The following NRG1 variants were observed in gnomAD, a reference collection of about 807,000 sequenced individuals.
NRG1 encodes the protein neuregulin 1.
A neutral mutation model predicts 63.8 loss-of-function variants in NRG1; 18 were observed. That is an observed-to-expected ratio of 0.28 (90% CI 0.19 to 0.42). NRG1 has a LOEUF of 0.42. Among genes scored for constraint, NRG1 ranks in the 10% least tolerant of loss-of-function variants. The pLI, the probability that NRG1 is intolerant of heterozygous loss-of-function variation, is 1.00. For missense variants in NRG1, 762 were observed against 814.7 expected, an observed-to-expected ratio of 0.94 and a Z score of 0.79; for synonymous variants, 302 against 301.3, an observed-to-expected ratio of 1.00 and a Z score of -0.02.
intron 1 of NRG1, among the ~76,000 whole-genome samples, chr8:31,733,530 T>C (rs1346389840): frequency 6.6e-6 from 1 of 152,156 alleles, no homozygotes. Context: ...TGGATGTGCC[T>C]GTGGACACTG....
intron 1 of NRG1, among the ~76,000 whole-genome samples, chr8:31,998,302 C>T (rs1451407881): frequency 6.6e-6 from 1 of 151,996 alleles, no homozygotes; most frequent in East Asian, 1.9e-4. Flanking sequence ...ACATATATTA[C>T]TGAACATTTT....
At chr8:32,474,048 C>A (rs1018558956) in intron 1 of NRG1, among the ~76,000 whole-genome samples, 2 of 152,152 alleles carry the variant, frequency 1.3e-5, no homozygotes, top group African/African-American at 4.8e-5. Flanking sequence ...AGATACCCTT[C>A]CATTTAATAC....
At chr8:31,856,344 T>C (rs1025017515) in intron 1 of NRG1, among the ~76,000 whole-genome samples, 5 of 152,208 alleles carry the variant, frequency 3.3e-5, no homozygotes, top group African/African-American at 1.2e-4. Flanking sequence ...ACTTCCCTTC[T>C]TGCTTCATTT....
intron 1 of NRG1, among the ~76,000 whole-genome samples, chr8:32,413,402 C>T (rs889859651): frequency 2.6e-5 from 4 of 152,100 alleles, no homozygotes; most frequent in Admixed American, 1.3e-4. Context: ...ACTGTATGCT[C>T]GATGAGACCC....
Position 32,425,865 on chromosome 8 carries a change from A to T in NRG1, c.38-169963A>T, listed in dbSNP as rs77862367. Among the ~76,000 whole-genome samples, 630 of 152,302 alleles carry T rather than the reference A, an allele frequency of 4.1e-3. 3 individuals are homozygous for T. Among genetic ancestry groups the T allele is most frequent in the Non-Finnish European group, 5.6e-3 (380 of 68,022 alleles). On this transcript the variant is annotated intron_variant, in intron 1 of 10. Coordinates refer to the NRG1 transcript ENST00000519301. The stretch of plus-strand genomic sequence containing the variant: ...GAAGGGAAACATCCCTGGTATCATC[A>T]TGATGGCATATAGAGGCAGGGCTGA...
intron 1 of NRG1, among the ~76,000 whole-genome samples, chr8:32,445,900 G>A (rs745589056): frequency 5.9e-5 from 9 of 151,958 alleles, no homozygotes; most frequent in Non-Finnish European, 1.3e-4. Context: ...AAGAGGCTGT[G>A]GGGTGGGGAT....
At chr8:32,772,023 C>CA (rs1394678476), downstream of NRG1, among the ~76,000 whole-genome samples, 333 of 24,928 alleles carry the variant, frequency 0.013, 8 homozygotes, top group African/African-American at 0.044. Context: ...AACTCCGTCT[C>CA]AAAAAAAAAA....
intron 1 of NRG1, among the ~76,000 whole-genome samples, chr8:32,258,396 T>C (rs1275716641): frequency 1.3e-5 from 2 of 152,250 alleles, no homozygotes; most frequent in African/African-American, 4.8e-5. Context: ...ACTCATTTAT[T>C]CCTTACAACA....
chr8:32,435,165 A>T (rs1405899743), intron 1 of NRG1, among the ~76,000 whole-genome samples: 2 of 152,174 alleles, frequency 1.3e-5, no homozygotes, highest in East Asian at 3.9e-4. Flanking sequence ...ATTTCCATAA[A>T]TGCCTTTTAA....
chr8:32,282,948 G>A (rs904617457), intron 1 of NRG1, among the ~76,000 whole-genome samples: 3 of 152,066 alleles, frequency 2.0e-5, no homozygotes, highest in Non-Finnish European at 2.9e-5. Context: ...TACATGTTTT[G>A]TAGTATATAT....
At chr8:32,141,591 G>GGT (rs1280312886) in intron 1 of NRG1, among the ~76,000 whole-genome samples, 6 of 22,868 alleles carry the variant, frequency 2.6e-4, no homozygotes, top group South Asian at 2.0e-3. Context: ...TATGTGTGTG[G>GGT]GTATATATAT....
chr8:32,646,741 G>T, intron 5 of NRG1: 1 of 985,394 alleles, frequency 1.0e-6, no homozygotes. Flanking sequence ...AGGCTTAACT[G>T]ATGCCTGCCT....
At chr8:31,765,689 T>G (rs1320779764) in intron 1 of NRG1, among the ~76,000 whole-genome samples, 1 of 152,174 alleles carries the variant, frequency 6.6e-6, no homozygotes, top group African/African-American at 2.4e-5. Context: ...GAGTTCACCT[T>G]AAATTTTAAG....
rs1264741858 is a variant in NRG1 at position 32,742,918 on chromosome 8, C to T, written c.691+185C>T. ...AAGCAATTGTATTACTTCCTCTGTT[C>T]GCGACTAGTTGGCTCTGAGATACTA... On this transcript the variant is annotated intron_variant, in intron 7 of 11. Transcript: ENST00000356819. This position sits in a 1 kb window ranked among gnomAD's most constrained non-coding sequence, Gnocchi z 4.2. 5.4e-6 allele frequency: 8 copies of T among 1,483,902 alleles called. No homozygotes were observed. The highest frequency in any genetic ancestry group is 2.1e-5 in the Admixed American group (1 of 46,786). 91.9% of individuals were successfully genotyped at this position (1,483,902 alleles called of 1,614,324 possible). A position where few individuals can be genotyped will look rare whatever the true frequency, so the allele number is the denominator to read the frequency against.
chr8:31,656,166 GA>G (rs1805415069), intron 1 of NRG1, among the ~76,000 whole-genome samples: 1 of 152,160 alleles, frequency 6.6e-6, no homozygotes, highest in Non-Finnish European at 1.5e-5. Context: ...AAGAGAAAAG[GA>G]AGCATAAGGA....
Position 32,055,258 on chromosome 8 carries a change from A to T in NRG1, c.37+415827A>T, listed in dbSNP as rs1822727511. ...ACATAATATGTGATAGTTTTAGGTGACTTTTTGTGTGTAACATTTGAGCTC... is the reference window on the plus strand; with the variant it reads ...ACATAATATGTGATAGTTTTAGGTGTCTTTTTGTGTGTAACATTTGAGCTC... On this transcript the variant is annotated intron_variant, in intron 1 of 10. Coordinates refer to the NRG1 transcript ENST00000519301. 3.9e-5 allele frequency among the ~76,000 whole-genome samples: 6 copies of T among 152,040 alleles called. No homozygotes were observed. The South Asian group carries it at 1.2e-3, about 31-fold the overall frequency.
Position 32,742,848 on chromosome 8 carries a change from A to T in NRG1, c.691+115A>T. 6.3e-7 allele frequency: 1 copy of T among 1,595,914 alleles called. No individual in the cohort carries two copies. The highest frequency in any genetic ancestry group is 8.6e-7 in the Non-Finnish European group (1 of 1,167,802). ...CCTAGAGCTAGATGTGTCTTACCAGATCTAATATTGACTGCCTCTGCCTGT... is the reference window on the plus strand; with the variant it reads ...CCTAGAGCTAGATGTGTCTTACCAGTTCTAATATTGACTGCCTCTGCCTGT... On this transcript the variant is annotated intron_variant, in intron 7 of 11. Transcript: ENST00000356819. The surrounding 1 kb of genome is among the most constrained non-coding windows in gnomAD (Gnocchi z 4.2).
chr8:32,661,343 C>T (rs970731671), intron 5 of NRG1, among the ~76,000 whole-genome samples: 4 of 152,324 alleles, frequency 2.6e-5, no homozygotes, highest in African/African-American at 9.6e-5. Flanking sequence ...CAGAAATCTA[C>T]TCATTATCCA....
In NRG1 at chr8:31,949,968, T is replaced by C. The variant is rs557435058; in HGVS notation, c.37+310537T>C. The stretch of plus-strand genomic sequence containing the variant: ...AAAACACAAAGCTTATACCATCCAT[T>C]AGCATGTCTTGGCTATTTTATCTTC... On this transcript the variant is annotated intron_variant, in intron 1 of 10. Transcript: ENST00000519301. Among the ~76,000 whole-genome samples, 11 of 152,310 alleles carry C rather than the reference T, an allele frequency of 7.2e-5. No individual in the cohort carries two copies. In the Middle Eastern group the frequency reaches 0.014, roughly 188 times the overall value.
Sources: gnomAD v4.1 joint callset for allele counts (sites outside exome capture counted in the v4.1 genomes callset) on GRCh38, gnomAD v4.1.1 for gene constraint, Gnocchi (gnomAD v3.1) non-coding constraint, MANE v1.5 for transcripts, NCBI Gene and HGNC (gene_info 2026-07-23, HGNC 2026-07-21) for gene names.